Variants in CYP17A1 observed in about 807,000 individuals in gnomAD.
CYP17A1 encodes steroid 17-alpha-hydroxylase/17,20 lyase.
In CYP17A1, 27 loss-of-function variants were observed where a neutral mutation model predicts 38.5. That is an observed-to-expected ratio of 0.70 (90% CI 0.52 to 0.97). CYP17A1 has a LOEUF of 0.97. CYP17A1 is among the 50% of genes least tolerant of loss of function. The pLI is 0.00. For synonymous variants in CYP17A1, 263 were observed against 253.3 expected, an observed-to-expected ratio of 1.04 and a Z score of -0.36; for missense variants, 549 against 645.9, an observed-to-expected ratio of 0.85 and a Z score of 1.63.
At chr10:102,831,789 C>G (rs1844093352) in intron 6 of CYP17A1, 178 bp from the exon 7 acceptor site, 2 of 1,164,186 alleles carry the variant, frequency 1.7e-6, no homozygotes, top group Non-Finnish European at 2.4e-6. Context: ...CTTCTCCATC[C>G]CTTCCCTCCT....
At chr10:102,833,452 G>T in intron 4 of CYP17A1, 2 of 551,748 alleles carry the variant, frequency 3.6e-6, no homozygotes, top group Non-Finnish European at 6.0e-6. Flanking sequence ...CCAACTCCTT[G>T]AGTCAGTTTT....
Position 102,831,623 on chromosome 10 carries a change from T to G in CYP17A1, c.1140-12A>C. On this transcript the variant is annotated splice_polypyrimidine_tract_variant and intron_variant, in intron 6 of 7. Transcript: ENST00000369887. ...CAAACTCACCGATGCTGCTCCAGAG[T>G]GGAAGAGGAAAAGTGGGTCTGGGAC... 1.2e-6 allele frequency: 2 copies of G among 1,613,184 alleles called. No homozygotes were observed. Among genetic ancestry groups the G allele is most frequent in the Non-Finnish European group, 8.5e-7 (1 of 1,179,970 alleles).
intron 6 of CYP17A1, among the ~76,000 whole-genome samples, chr10:102,831,975 TG>T (rs1712019962): frequency 6.6e-6 from 1 of 152,188 alleles, no homozygotes; most frequent in Non-Finnish European, 1.5e-5. Flanking sequence ...GAAGCTCCTC[TG>T]GGAAGTCAGG....
At chr10:102,834,307 A>G in intron 3 of CYP17A1, 185 bp from the exon 4 acceptor site, 1 of 621,456 alleles carries the variant, frequency 1.6e-6, no homozygotes, top group Non-Finnish European at 3.0e-6. Flanking sequence ...GACGAAGACA[A>G]TTCTAAACAA....
At chr10:102,834,383 A>C (rs1844131838) in intron 3 of CYP17A1, 1 of 559,618 alleles carries the variant, frequency 1.8e-6, no homozygotes, top group African/African-American at 1.9e-5. Context: ...TGACTCTGCT[A>C]TGTGTCCAGC....
intron 1 of CYP17A1, 110 bp from the exon 2 acceptor site, chr10:102,835,502 T>A: frequency 3.2e-6 from 3 of 927,182 alleles, no homozygotes; most frequent in Non-Finnish European, 5.4e-6. Context: ...GTACCTGGCA[T>A]GCTGACTCCC....
At chr10:102,835,044 A>G in intron 2 of CYP17A1, 30 bp from the exon 3 acceptor site, 3 of 1,385,448 alleles carry the variant, frequency 2.2e-6, no homozygotes, top group Non-Finnish European at 3.1e-6. Context: ...GAGGGTGGGA[A>G]ATGAATCAGC....
intron 1 of CYP17A1, 97 bp from the exon 2 acceptor site, chr10:102,835,489 C>A: frequency 9.3e-7 from 1 of 1,071,740 alleles, no homozygotes; most frequent in South Asian, 1.3e-5. Flanking sequence ...GAGGAGAAGG[C>A]AGGTACCTGG....
intron 1 of CYP17A1, chr10:102,836,856 G>A (rs758470670): frequency 1.6e-6 from 1 of 607,242 alleles, no homozygotes; most frequent in Non-Finnish European, 3.0e-6. Flanking sequence ...GGGCAGCCTG[G>A]TAGAGGAGAC....
In CYP17A1 at chr10:102,836,951, T is replaced by C. The variant is rs887464531; in HGVS notation, c.297+114A>G. On this transcript the variant is annotated intron_variant, in intron 1 of 7. Coordinates refer to ENST00000369887, the MANE Select transcript of CYP17A1 (RefSeq NM_000102.4). ...CTTCACATCATCCCACTAGTCTACTTTGGGAAGAATTACAGGTTGTTGGAG... is the reference window on the plus strand; with the variant it reads ...CTTCACATCATCCCACTAGTCTACTCTGGGAAGAATTACAGGTTGTTGGAG... The C allele has an allele frequency of 9.0e-6, 7 of 779,980 alleles. No homozygotes were observed. In the Admixed American group the frequency reaches 1.2e-4, roughly 13 times the overall value. The allele number at this position is 779,980 out of a possible 1,614,324, so 48.3% of individuals were successfully genotyped here.
intron 3 of CYP17A1, 52 bp downstream of exon 3, chr10:102,834,733 G>A: frequency 6.2e-7 from 1 of 1,613,548 alleles, no homozygotes; most frequent in South Asian, 1.1e-5. Context: ...GGAAGATTGG[G>A]GACAATGTCA....
At chr10:102,836,831 C>T (rs45496899) in intron 1 of CYP17A1, 65 of 573,564 alleles carry the variant, frequency 1.1e-4, no homozygotes, top group African/African-American at 1.1e-3. Context: ...CTGTGGTCCT[C>T]CCATCCCACC....
chr10:102,834,691 C>A (rs949047540), intron 3 of CYP17A1, 94 bp downstream of exon 3: 11 of 1,576,610 alleles, frequency 7.0e-6, no homozygotes, highest in Non-Finnish European at 9.5e-6. Flanking sequence ...AAAGATGGGT[C>A]ATTGCGGCTG....
chr10:102,830,534 TG>T lies in CYP17A1; in HGVS notation c.*167del, dbSNP rs1844072586. 3.3e-6 allele frequency: 2 copies of T among 599,262 alleles called. No individual in the cohort carries two copies. The highest frequency in any genetic ancestry group is 2.8e-5 in the East Asian group (1 of 35,974). 37.1% of individuals were successfully genotyped at this position (599,262 alleles called of 1,614,324 possible). A position where few individuals can be genotyped will look rare whatever the true frequency, so the allele number is the denominator to read the frequency against. ...ATAAATGAACTACTCAGGGACCTTA[TG>T]GAAAAAAAAAAACTGTTTATGCACA... On this transcript the variant is annotated 3_prime_UTR_variant, in exon 8 of 8. Coordinates refer to ENST00000369887, the MANE Select transcript of CYP17A1 (RefSeq NM_000102.4). This position sits in a 1 kb window ranked among gnomAD's most constrained non-coding sequence, Gnocchi z 4.1.
rs575801994 is a variant in CYP17A1 at position 102,834,844 on chromosome 10, C to T, written c.607G>A (p.Glu203Lys). The stretch of plus-strand genomic sequence containing the variant: ...TTGCTCAGGTTGTCTATGATGCCTT[C>T]ATTGTAATTCTGTATGACATTCAAC... ...PELNVIQNYN[E>K]GIIDNLSKDS... The change falls in exon 3 of 8, where the codon GAA becomes AAA. Residue 203 changes from glutamate to lysine, a missense_variant. Around this residue, in one of 3 missense-constraint regions of CYP17A1, gnomAD observed 289 missense variants for 320.9 expected, o/e 0.90. Coordinates refer to ENST00000369887, the MANE Select transcript of CYP17A1 (RefSeq NM_000102.4). 1.2e-6 allele frequency: 2 copies of T among 1,614,098 alleles called. No individual in the cohort carries two copies. The highest frequency in any genetic ancestry group is 2.2e-5 in the East Asian group (1 of 44,876).
In CYP17A1 at chr10:102,833,011, G is replaced by A; in HGVS notation, c.951C>T (p.Phe317=). 3 of 1,614,202 alleles carry A rather than the reference G, an allele frequency of 1.9e-6. No individual in the cohort carries two copies. Among genetic ancestry groups the A allele is most frequent in the Non-Finnish European group, 2.5e-6 (3 of 1,180,032 alleles). Reference sequence around the variant, plus strand: ...AGCACACCTGAGGATTGTGCAGCAGGAAGGCCAGGGTCCATTTAACCACAG... The same window carrying A: ...AGCACACCTGAGGATTGTGCAGCAGAAAGGCCAGGGTCCATTTAACCACAG... ...TTSVVKWTLA[F]LLHNPQVKKK... is the part of the protein sequence containing the mutation. Residue 317 remains phenylalanine (F), a synonymous_variant, in exon 5 of 8, where the codon TTC becomes TTT. Coordinates refer to ENST00000369887, the MANE Select transcript of CYP17A1 (RefSeq NM_000102.4).
At chr10:102,834,666 G>A (rs917536771) in intron 3 of CYP17A1, 119 bp downstream of exon 3, 12 of 1,412,742 alleles carry the variant, frequency 8.5e-6, no homozygotes, top group African/African-American at 2.8e-5. Flanking sequence ...TAGAGGTGGC[G>A]GAGGTAATCA....
intron 4 of CYP17A1, chr10:102,833,458 GTTT>G (rs1177497362): frequency 4.8e-4 from 180 of 374,006 alleles, no homozygotes; most frequent in Non-Finnish European, 5.7e-4. Flanking sequence ...CCTTGAGTCA[GTTT>G]TTTTTTTTTT....
Position 102,830,819 on chromosome 10 carries a change from A to G in CYP17A1, c.1410T>C (p.Asp470=). The G allele has an allele frequency of 6.3e-7, 1 of 1,595,012 alleles. No individual in the cohort carries two copies. The highest frequency in any genetic ancestry group is 8.6e-7 in the Non-Finnish European group (1 of 1,167,054). ...TGCCTTCCAGGGAGGGCAGCTGCCC[A>G]TCATCTGGCACCTCCAGGTCGAACC... The part of the protein sequence containing the change: ...LQRFDLEVPD[D]GQLPSLEGIP... The change falls in exon 8 of 8, where the codon GAT becomes GAC. Residue 470 remains aspartate (D), a synonymous_variant. Transcript: ENST00000369887. This position sits in a 1 kb window ranked among gnomAD's most constrained non-coding sequence, Gnocchi z 4.1.
Sources: allele counts gnomAD v4.1 joint callset (sites outside exome capture counted in the v4.1 genomes callset), GRCh38; gene constraint gnomAD v4.1.1; regional missense constraint gnomAD v4.1.1; non-coding constraint Gnocchi (gnomAD v3.1); transcripts MANE v1.5; gene names NCBI Gene and HGNC (gene_info 2026-07-23, HGNC 2026-07-21).